Variants in RHBDD1 observed in about 807,000 individuals in gnomAD.
RHBDD1 encodes the protein rhomboid domain containing 1, also known as rhomboid-related protein 4.
A neutral mutation model predicts 36.3 loss-of-function variants in RHBDD1; 38 were observed. The observed-to-expected ratio is 1.05, with a 90% CI of 0.81 to 1.37. The LOEUF (loss-of-function observed/expected upper bound fraction) is 1.37. Ranked by LOEUF, RHBDD1 falls within the 40% of genes most tolerant of loss-of-function variation. RHBDD1 has a pLI of 0.00. For missense variants in RHBDD1, 393 were observed against 377.6 expected (o/e 1.04, Z -0.34); for synonymous variants, 151 against 136.5 (o/e 1.11, Z -0.74).
intron 5 of RHBDD1, among the ~76,000 whole-genome samples, chr2:226,886,017 A>C (rs1946173892): frequency 6.6e-6 from 1 of 152,320 alleles, no homozygotes; most frequent in South Asian, 2.1e-4. Context: ...TACTCAGAAC[A>C]GTGTGTGATA....
intron 3 of RHBDD1, among the ~76,000 whole-genome samples, chr2:226,843,324 G>A (rs1019477921): frequency 1.3e-5 from 2 of 152,190 alleles, no homozygotes; most frequent in African/African-American, 4.8e-5. Context: ...GGAGTGGTGG[G>A]AGAGGGCATC....
At chr2:226,870,535 T>G (rs1458505206) in intron 5 of RHBDD1, among the ~76,000 whole-genome samples, 1 of 152,162 alleles carries the variant, frequency 6.6e-6, no homozygotes, top group Admixed American at 6.5e-5. Flanking sequence ...TTGGCTGCAT[T>G]TGGACCCTGG....
chr2:226,887,744 G>T (rs940384343), intron 5 of RHBDD1, among the ~76,000 whole-genome samples: 13 of 152,172 alleles, frequency 8.5e-5, no homozygotes, highest in Non-Finnish European at 1.9e-4. Flanking sequence ...AAATAATTCA[G>T]TACTATGCAG....
chr2:226,855,238 T>C (rs1943206355), intron 3 of RHBDD1, among the ~76,000 whole-genome samples: 1 of 152,246 alleles, frequency 6.6e-6, no homozygotes, highest in Non-Finnish European at 1.5e-5. Context: ...TTGGGTATGG[T>C]GGCTCACACC....
rs1959698744 is a variant in RHBDD1 at position 226,997,444 on chromosome 2, G to A, written c.*1922G>A. The stretch of plus-strand genomic sequence containing the variant: ...ACACAAAGGTGTGCCTTCTACGTGG[G>A]AACATGGATTGTGAATGACTCTGTA... On this transcript the variant is annotated 3_prime_UTR_variant, in exon 9 of 9. Coordinates refer to ENST00000392062, the MANE Select transcript of RHBDD1 (RefSeq NM_001167608.3). 1 of 152,096 alleles carries A rather than the reference G, an allele frequency of 6.6e-6. No homozygotes were observed. The highest frequency in any genetic ancestry group is 2.1e-4 in the South Asian group (1 of 4,822). 9.4% of individuals were successfully genotyped at this position (152,096 alleles called of 1,614,324 possible). A position where few individuals can be genotyped will look rare whatever the true frequency, so the allele number is the denominator to read the frequency against.
intron 5 of RHBDD1, among the ~76,000 whole-genome samples, chr2:226,892,818 A>G (rs576711577): frequency 6.6e-6 from 1 of 150,878 alleles, no homozygotes; most frequent in African/African-American, 2.5e-5. Flanking sequence ...GGAATTAAAA[A>G]CAACATTTCA....
At chr2:226,945,402 A>G (rs868489295) in intron 8 of RHBDD1, among the ~76,000 whole-genome samples, 4 of 152,014 alleles carry the variant, frequency 2.6e-5, no homozygotes, top group African/African-American at 7.2e-5. Flanking sequence ...GAGTGAGAAC[A>G]TATGGTGTTT....
chr2:226,944,386 C>T (rs945455781), intron 8 of RHBDD1, among the ~76,000 whole-genome samples: 1 of 152,152 alleles, frequency 6.6e-6, no homozygotes. Context: ...TTCTGTGTCT[C>T]TTAGACCTTG....
At position 226,869,686 on chromosome 2, in the gene RHBDD1, T is replaced by C. The variant is rs974303821; in HGVS notation, c.566+2368T>C. On this transcript the variant is annotated intron_variant, in intron 5 of 8. Transcript: ENST00000392062. The stretch of plus-strand genomic sequence containing the variant: ...CCCCAAATAGGCATCGTGAGGAGTA[T>C]GAGGCATGTGGACTTGATGCCAGAG... Among the ~76,000 whole-genome samples the C allele has an allele frequency of 2.6e-5, 4 of 152,226 alleles. No homozygotes were observed. The East Asian group carries it at 7.7e-4, about 29-fold the overall frequency.
At chr2:226,834,548 A>G (rs1432303344), upstream of RHBDD1, among the ~76,000 whole-genome samples, 1 of 152,234 alleles carries the variant, frequency 6.6e-6, no homozygotes, top group African/African-American at 2.4e-5. Context: ...CCACATTTTC[A>G]CTTAAATTTC....
Position 226,888,534 on chromosome 2 carries a change from A to G in RHBDD1, c.567-18259A>G, listed in dbSNP as rs867856823. ...TTGGGAGTGAAAACCTAAGGATCAG[A>G]CTATTATGAGTCTTACCACATTTTT... On this transcript the variant is annotated intron_variant, in intron 5 of 8. Coordinates refer to ENST00000392062, the MANE Select transcript of RHBDD1 (RefSeq NM_001167608.3). Among the ~76,000 whole-genome samples, 3 of 152,112 alleles carry G rather than the reference A, an allele frequency of 2.0e-5. No individual in the cohort carries two copies. In the South Asian group the frequency reaches 6.2e-4, roughly 31 times the overall value.
Position 226,996,780 on chromosome 2 carries a change from G to A in RHBDD1, c.*1258G>A, listed in dbSNP as rs755136212. The A allele has an allele frequency of 2.6e-5, 4 of 152,130 alleles. No homozygotes were observed. The highest frequency in any genetic ancestry group is 9.7e-5 in the African/African-American group (4 of 41,412). 9.4% of individuals were successfully genotyped at this position (152,130 alleles called of 1,614,324 possible). On this transcript the variant is annotated 3_prime_UTR_variant, in exon 9 of 9. Transcript: ENST00000392062. ...TTTATATTACTGTCTTGGAAGATGT[G>A]TTTATGTGTGTGTGTTACTTTTACA...
chr2:226,958,827 C>G (rs977122872), intron 8 of RHBDD1, among the ~76,000 whole-genome samples: 2 of 151,892 alleles, frequency 1.3e-5, no homozygotes, highest in African/African-American at 4.8e-5. Flanking sequence ...GTTGGATACC[C>G]AGTCCCCAAT....
intron 3 of RHBDD1, among the ~76,000 whole-genome samples, chr2:226,851,866 T>C (rs184903664): frequency 6.6e-6 from 1 of 152,334 alleles, no homozygotes; most frequent in Non-Finnish European, 1.5e-5. Flanking sequence ...TTGGATCTTT[T>C]ACCCTCAACA....
intron 8 of RHBDD1, among the ~76,000 whole-genome samples, chr2:226,953,452 C>G (rs767300833): frequency 6.6e-6 from 1 of 152,114 alleles, no homozygotes; most frequent in Non-Finnish European, 1.5e-5. Context: ...ATGGCCTGGC[C>G]CAGACTGCCT....
At chr2:226,811,913 C>T in the RHBDD1 span, among the ~76,000 whole-genome samples, 3 of 152,302 alleles carry the variant, frequency 2.0e-5, no homozygotes, top group African/African-American at 4.8e-5. Context: ...TTAAGTCATG[C>T]GGACACAGCA....
intron 3 of RHBDD1, among the ~76,000 whole-genome samples, chr2:226,849,926 A>G (rs1942643927): frequency 6.6e-6 from 1 of 151,794 alleles, no homozygotes; most frequent in Admixed American, 6.6e-5. Context: ...TATTTTTTAC[A>G]TCTTGCCATT....
chr2:226,998,668 TCAATACTTAA>T lies in RHBDD1; in HGVS notation c.*3153_*3162del, dbSNP rs146932158. ...ACAGTATCTCAATTATTTGCTCTGT[TCAATACTTAA>T]CAATACCTCCTCACTCAATTCTACA... On this transcript the variant is annotated 3_prime_UTR_variant, in exon 9 of 9. Coordinates refer to ENST00000392062, the MANE Select transcript of RHBDD1 (RefSeq NM_001167608.3). 254 of 152,254 alleles carry T rather than the reference TCAATACTTAA, an allele frequency of 1.7e-3. No individual in the cohort carries two copies. Among genetic ancestry groups the T allele is most frequent in the African/African-American group, 6.0e-3 (250 of 41,540 alleles). 9.4% of individuals were successfully genotyped at this position (152,254 alleles called of 1,614,324 possible).
the RHBDD1 span, among the ~76,000 whole-genome samples, chr2:226,812,524 A>G: frequency 6.6e-6 from 1 of 152,252 alleles, no homozygotes. Context: ...ACCTTTACAT[A>G]TTGAAATACG....
Sources: gnomAD v4.1 joint callset for allele counts (sites outside exome capture counted in the v4.1 genomes callset) on GRCh38, gnomAD v4.1.1 for gene constraint, MANE v1.5 for transcripts, NCBI Gene and HGNC (gene_info 2026-07-23, HGNC 2026-07-21) for gene names.